DIAPH3: variants seen among roughly 807,000 people sequenced by gnomAD.
DIAPH3 encodes the protein protein diaphanous homolog 3.
A neutral mutation model predicts 144.3 loss-of-function variants in DIAPH3; 117 were observed. The ratio of observed to expected loss-of-function variants is 0.81; its 90% confidence interval spans 0.70 to 0.95. DIAPH3 has a LOEUF of 0.95. DIAPH3 is among the 40% of genes least tolerant of loss of function. DIAPH3 has a pLI of 0.00. For synonymous variants in DIAPH3, 519 were observed against 488.9 expected (o/e 1.06, Z -0.81); for missense variants, 1,421 against 1,412.7 (o/e 1.01, Z -0.09).
intron 3 of DIAPH3, among the ~76,000 whole-genome samples, chr13:60,102,586 C>T (rs2137987778): frequency 6.6e-6 from 1 of 152,274 alleles, no homozygotes; most frequent in Non-Finnish European, 1.5e-5. Flanking sequence ...GCAATTGCTG[C>T]TCCTAAGAAG....
intron 5 of DIAPH3, among the ~76,000 whole-genome samples, chr13:60,029,919 A>G (rs544973063): frequency 6.9e-4 from 105 of 152,202 alleles, no homozygotes; most frequent in African/African-American, 2.5e-3. Flanking sequence ...GACCTTCCGC[A>G]TGGCCTGGCC....
At chr13:59,964,467 A>G (rs2049943457) in intron 17 of DIAPH3, among the ~76,000 whole-genome samples, 1 of 152,040 alleles carries the variant, frequency 6.6e-6, no homozygotes, top group Non-Finnish European at 1.5e-5. Flanking sequence ...TTCAAAACAG[A>G]CATGTTTTTT....
At chr13:60,162,555 T>A (rs1952341983) in intron 1 of DIAPH3, among the ~76,000 whole-genome samples, 1 of 152,214 alleles carries the variant, frequency 6.6e-6, no homozygotes, top group Non-Finnish European at 1.5e-5. Flanking sequence ...TAATTTGGCA[T>A]AATTAATCTA....
chr13:60,015,858 A>T, intron 7 of DIAPH3, 55 bp downstream of exon 7: 1 of 1,475,140 alleles, frequency 6.8e-7, no homozygotes, highest in Non-Finnish European at 9.4e-7. Flanking sequence ...CTGCAACTGA[A>T]AATCATATAT....
At chr13:60,056,242 T>C (rs1385945989) in intron 4 of DIAPH3, among the ~76,000 whole-genome samples, 1 of 150,234 alleles carries the variant, frequency 6.7e-6, no homozygotes, top group Admixed American at 6.7e-5. Context: ...TAATCTGCTA[T>C]AATATATTAT....
intron 4 of DIAPH3, among the ~76,000 whole-genome samples, chr13:60,051,826 C>G (rs1156339176): frequency 6.6e-6 from 1 of 152,122 alleles, no homozygotes; most frequent in Non-Finnish European, 1.5e-5. Context: ...ATTACATCAA[C>G]ATTCTCAGTG....
At chr13:60,146,101 A>G (rs1951506296) in intron 1 of DIAPH3, among the ~76,000 whole-genome samples, 1 of 152,236 alleles carries the variant, frequency 6.6e-6, no homozygotes, top group Non-Finnish European at 1.5e-5. Flanking sequence ...AAAGATGATT[A>G]CATATTTATA....
chr13:59,858,730 C>A (rs2043400474), intron 22 of DIAPH3, among the ~76,000 whole-genome samples: 1 of 151,896 alleles, frequency 6.6e-6, no homozygotes, highest in African/African-American at 2.4e-5. Context: ...TGTATTGAAC[C>A]TTAGAAGTCC....
chr13:60,146,496 G>C (rs1951529852), intron 1 of DIAPH3, among the ~76,000 whole-genome samples: 1 of 152,182 alleles, frequency 6.6e-6, no homozygotes, highest in Non-Finnish European at 1.5e-5. Flanking sequence ...GCAATGTGGG[G>C]AATTTGGAGA....
intron 1 of DIAPH3, among the ~76,000 whole-genome samples, chr13:60,152,090 G>GA (rs1406002569): frequency 6.6e-6 from 1 of 152,010 alleles, no homozygotes. Context: ...GCCAACCTCG[G>GA]AAAAAAATGC....
chr13:59,944,024 C>A (rs1251261525), intron 17 of DIAPH3, among the ~76,000 whole-genome samples: 1 of 151,956 alleles, frequency 6.6e-6, no homozygotes, highest in African/African-American at 2.4e-5. Flanking sequence ...CCAGCCTGGG[C>A]AACATGGCAA....
chr13:59,997,782 A>G (rs1186274217), intron 9 of DIAPH3, among the ~76,000 whole-genome samples: 1 of 152,132 alleles, frequency 6.6e-6, no homozygotes, highest in Non-Finnish European at 1.5e-5. Flanking sequence ...TAGTTCTTAG[A>G]AAGTTTACTC....
At chr13:59,928,950 G>A (rs901120285) in intron 17 of DIAPH3, among the ~76,000 whole-genome samples, 8 of 152,118 alleles carry the variant, frequency 5.3e-5, no homozygotes, top group East Asian at 1.9e-4. Context: ...TGGCGAGGTC[G>A]CTATTGGACA....
intron 5 of DIAPH3, among the ~76,000 whole-genome samples, chr13:60,036,047 C>A (rs2055185395): frequency 1.3e-5 from 2 of 152,246 alleles, no homozygotes; most frequent in Non-Finnish European, 2.9e-5. Context: ...TGGTATAAAG[C>A]CCACTCCCTC....
intron 21 of DIAPH3, among the ~76,000 whole-genome samples, chr13:59,876,677 C>T (rs1368300814): frequency 6.6e-6 from 1 of 152,130 alleles, no homozygotes; most frequent in Non-Finnish European, 1.5e-5. Flanking sequence ...ACCTAGTCTC[C>T]CTGTCAACAG....
At chr13:59,959,189 T>C (rs2049596214) in intron 17 of DIAPH3, among the ~76,000 whole-genome samples, 1 of 152,142 alleles carries the variant, frequency 6.6e-6, no homozygotes, top group Admixed American at 6.6e-5. Context: ...AATAAACCTT[T>C]TGTGAATAGA....
chr13:59,967,100 T>C (rs368694950), intron 17 of DIAPH3, among the ~76,000 whole-genome samples: 24 of 152,274 alleles, frequency 1.6e-4, no homozygotes, highest in African/African-American at 5.8e-4. Flanking sequence ...ATAGTCTTAC[T>C]CTGTTGCCCA....
intron 20 of DIAPH3, among the ~76,000 whole-genome samples, chr13:59,907,022 A>G (rs1459544628): frequency 1.3e-5 from 2 of 152,350 alleles, no homozygotes; most frequent in African/African-American, 4.8e-5. Flanking sequence ...AGTAGGTAAT[A>G]TTTTGGAAAG....
chr13:59,863,283 TA>T (rs142180998), intron 21 of DIAPH3, among the ~76,000 whole-genome samples: 13,407 of 149,538 alleles, frequency 0.09, 1,779 homozygotes, highest in African/African-American at 0.29. Context: ...AATAAAGGGT[TA>T]AAAAAAAAAT....
Sources: allele counts gnomAD v4.1 joint callset (sites outside exome capture counted in the v4.1 genomes callset), GRCh38; gene constraint gnomAD v4.1.1; transcripts MANE v1.5; gene names NCBI Gene and HGNC (gene_info 2026-07-23, HGNC 2026-07-21).